FGF1: variants seen among roughly 807,000 people sequenced by gnomAD.
FGF1 encodes fibroblast growth factor 1.
A neutral mutation model predicts 13.4 loss-of-function variants in FGF1; 9 were observed. That is an observed-to-expected ratio of 0.67 (90% CI 0.40 to 1.17). The LOEUF (loss-of-function observed/expected upper bound fraction) is 1.17. FGF1 is among the 50% of genes most tolerant of loss of function. The pLI is 0.01. For synonymous variants in FGF1, 93 were observed against 79.0 expected (o/e 1.18, Z -0.94); for missense variants, 156 against 192.7 (o/e 0.81, Z 1.13).
chr5:142,647,397 T>A (rs1561658891), intron 1 of FGF1, among the ~76,000 whole-genome samples: 1 of 152,230 alleles, frequency 6.6e-6, no homozygotes, highest in Non-Finnish European at 1.5e-5. Context: ...CGCCCTTCTG[T>A]TGAGCTGCTA....
At chr5:142,666,434 C>T (rs1159216225) in intron 1 of FGF1, among the ~76,000 whole-genome samples, 2 of 152,090 alleles carry the variant, frequency 1.3e-5, no homozygotes, top group Non-Finnish European at 2.9e-5. Context: ...AGTGTGGTGT[C>T]GTTGAGTCAG....
chr5:142,666,289 C>T lies in FGF1; in HGVS notation c.-35+19668G>A, dbSNP rs180948500. ...CTAAGGAGCATGTAATACACACACACACACACACACACACACACACACACA... is the reference window on the plus strand; with the variant it reads ...CTAAGGAGCATGTAATACACACACATACACACACACACACACACACACACA... On this transcript the variant is annotated intron_variant, in intron 1 of 3. Transcript: ENST00000337706. Among the ~76,000 whole-genome samples the T allele has an allele frequency of 5.3e-4, 80 of 150,256 alleles. 3 individuals are homozygous for T. The highest frequency in any genetic ancestry group is 1.7e-3 in the African/African-American group (70 of 40,400).
chr5:142,615,360 A>C (rs2151878330), intron 1 of FGF1, among the ~76,000 whole-genome samples: 1 of 152,240 alleles, frequency 6.6e-6, no homozygotes, highest in Non-Finnish European at 1.5e-5. Flanking sequence ...AGTAGCTGAG[A>C]TTACAGGAAT....
At chr5:142,596,655 G>T (rs185979811) in intron 3 of FGF1, among the ~76,000 whole-genome samples, 93 of 152,184 alleles carry the variant, frequency 6.1e-4, no homozygotes, top group African/African-American at 2.1e-3. Context: ...TGAGGTAGGA[G>T]GATTGCTCGA....
intron 2 of FGF1, among the ~76,000 whole-genome samples, chr5:142,606,218 C>CTCTCTGTGTGTGTG (rs151219206): frequency 3.1e-4 from 45 of 143,068 alleles, no homozygotes; most frequent in Non-Finnish European, 6.8e-4. Flanking sequence ...CTTTCTCTCT[C>CTCTCTGTGTGTGTG]TGTGTGTGTG....
intron 1 of FGF1, among the ~76,000 whole-genome samples, chr5:142,646,931 A>G (rs185442562): frequency 7.2e-5 from 11 of 152,308 alleles, no homozygotes; most frequent in Admixed American, 3.9e-4. Flanking sequence ...GGATAAATCA[A>G]TCGGAGTTGA....
In FGF1 at chr5:142,671,106, C is replaced by T. The variant is rs191224235; in HGVS notation, c.-35+14851G>A. Among the ~76,000 whole-genome samples, 605 of 152,312 alleles carry T rather than the reference C, an allele frequency of 4.0e-3. 4 individuals carry two copies. Among genetic ancestry groups the T allele is most frequent in the African/African-American group, 0.014 (578 of 41,566 alleles). On this transcript the variant is annotated intron_variant, in intron 1 of 3. Coordinates refer to ENST00000337706, the MANE Select transcript of FGF1 (RefSeq NM_000800.5). Reference sequence around the variant, plus strand: ...TGTTCATTTAACCATCTATCATCTTCTTTTGACCCTTTGAACAGGCTCTGA... The same window carrying T: ...TGTTCATTTAACCATCTATCATCTTTTTTTGACCCTTTGAACAGGCTCTGA...
intron 1 of FGF1, among the ~76,000 whole-genome samples, chr5:142,675,840 G>A (rs138359277): frequency 1.1e-3 from 169 of 152,278 alleles, no homozygotes; most frequent in Non-Finnish European, 1.8e-3. Flanking sequence ...AGTGCCAGGG[G>A]ACATTGAGCA....
chr5:142,657,306 C>G (rs145272369), intron 1 of FGF1, among the ~76,000 whole-genome samples: 2 of 152,188 alleles, frequency 1.3e-5, no homozygotes, highest in African/African-American at 4.8e-5. Flanking sequence ...CCTTCAGCCC[C>G]CAAACTTGCT....
intron 1 of FGF1, among the ~76,000 whole-genome samples, chr5:142,647,118 C>T (rs1766305792): frequency 6.6e-6 from 1 of 152,142 alleles, no homozygotes; most frequent in African/African-American, 2.4e-5. Flanking sequence ...TCCAAATAAG[C>T]CAATTTGGCA....
chr5:142,687,458 A>G (rs1751445088), upstream of FGF1, among the ~76,000 whole-genome samples: 1 of 152,206 alleles, frequency 6.6e-6, no homozygotes, highest in Non-Finnish European at 1.5e-5. Context: ...GGACTTGAAT[A>G]TACAGAAAAT....
chr5:142,631,581 T>C (rs1484980976), intron 1 of FGF1, among the ~76,000 whole-genome samples: 1 of 152,214 alleles, frequency 6.6e-6, no homozygotes, highest in Non-Finnish European at 1.5e-5. Context: ...ATTTCCATGC[T>C]ATTGTTTTTA....
rs1158763449 is a variant in FGF1, at chr5:142,696,933, C to A, written c.-35+689G>T. Among the ~76,000 whole-genome samples the A allele has an allele frequency of 2.0e-5, 3 of 152,166 alleles. No individual in the cohort carries two copies. The East Asian group carries it at 5.8e-4, about 29-fold the overall frequency. ...TGTGGAAGTGATAGTGGCGTCTATC[C>A]ATATCCCTAAATGGATATAGGTACA... On this transcript the variant is annotated intron_variant, in intron 2 of 4. Transcript: ENST00000407758.
chr5:142,619,402 G>C (rs1030856375), intron 1 of FGF1, among the ~76,000 whole-genome samples: 3 of 152,168 alleles, frequency 2.0e-5, no homozygotes, highest in African/African-American at 7.2e-5. Flanking sequence ...ACAGGCCTTG[G>C]CTTTGGTTCC....
At chr5:142,640,428 G>GGGT (rs1554084933) in intron 1 of FGF1, among the ~76,000 whole-genome samples, 3 of 142,322 alleles carry the variant, frequency 2.1e-5, no homozygotes, top group Admixed American at 1.5e-4. Flanking sequence ...GAGTATGGTG[G>GGGT]GGGGGGGGGT....
chr5:142,617,236 A>C (rs889045936), intron 1 of FGF1, among the ~76,000 whole-genome samples: 2 of 152,136 alleles, frequency 1.3e-5, no homozygotes, highest in Admixed American at 6.5e-5. Flanking sequence ...CTGGTGGTGC[A>C]TGCCTGTAGT....
At chr5:142,631,499 G>A (rs79179599) in intron 1 of FGF1, among the ~76,000 whole-genome samples, 2,768 of 152,332 alleles carry the variant, frequency 0.018, 88 homozygotes, top group African/African-American at 0.063. Context: ...TTATCTGGAC[G>A]TTCTCAGAAT....
chr5:142,619,452 G>C (rs528690814), intron 1 of FGF1, among the ~76,000 whole-genome samples: 93 of 152,212 alleles, frequency 6.1e-4, no homozygotes, highest in African/African-American at 2.0e-3. Flanking sequence ...GCTATGAATG[G>C]CATCACCCAA....
intron 2 of FGF1, among the ~76,000 whole-genome samples, chr5:142,695,749 G>A (rs574222902): frequency 3.3e-5 from 5 of 152,176 alleles, no homozygotes; most frequent in Non-Finnish European, 7.4e-5. Flanking sequence ...GAGGGCTTGG[G>A]AATGAAACTT....
Sources: allele counts gnomAD v4.1 joint callset (sites outside exome capture counted in the v4.1 genomes callset), GRCh38; gene constraint gnomAD v4.1.1; transcripts MANE v1.5; gene names NCBI Gene and HGNC (gene_info 2026-07-23, HGNC 2026-07-21).